Variants in ERCC8 observed in about 807,000 individuals in gnomAD.
ERCC8 encodes DNA excision repair protein ERCC-8.
A neutral mutation model predicts 54.9 loss-of-function variants in ERCC8; 52 were observed. The ratio of observed to expected loss-of-function variants is 0.95; its 90% confidence interval spans 0.76 to 1.19. The LOEUF (loss-of-function observed/expected upper bound fraction) is 1.19, where lower values mean the gene tolerates loss of function less well. Ranked by LOEUF, ERCC8 falls within the 50% of genes most tolerant of loss-of-function variation. The probability of loss-of-function intolerance (pLI) is 0.00; values close to 1 mark genes in which losing one functional copy is unlikely to be tolerated. For synonymous variants in ERCC8, 146 were observed against 157.2 expected (o/e 0.93, Z 0.53); for missense variants, 514 against 466.1 (o/e 1.10, Z -0.95).
intron 1 of ERCC8, among the ~76,000 whole-genome samples, chr5:60,938,815 TA>T (rs1217295954): frequency 6.6e-6 from 1 of 152,224 alleles, no homozygotes; most frequent in Non-Finnish European, 1.5e-5. Context: ...TAGCTTTATA[TA>T]ATGTCCTTCT....
At chr5:60,893,449 A>G (rs1006304028) in intron 9 of ERCC8, 1 of 948,138 alleles carries the variant, frequency 1.1e-6, no homozygotes, top group African/African-American at 1.6e-5. Context: ...TGGCATGATC[A>G]TTGGAGTGAA....
At chr5:60,944,710 C>T (rs1434656734) in intron 1 of ERCC8, among the ~76,000 whole-genome samples, 3 of 44,376 alleles carry the variant, frequency 6.8e-5, no homozygotes, top group South Asian at 1.1e-3. Flanking sequence ...GGGGAACCCC[C>T]CCCCCACCCC....
chr5:60,909,073 T>C (rs1749167390), intron 4 of ERCC8, among the ~76,000 whole-genome samples: 1 of 151,852 alleles, frequency 6.6e-6, no homozygotes, highest in African/African-American at 2.4e-5. Context: ...TAAAGATGGT[T>C]TGATAATTTT....
intron 4 of ERCC8, among the ~76,000 whole-genome samples, chr5:60,905,972 C>T (rs1749058613): frequency 1.3e-5 from 2 of 152,060 alleles, no homozygotes; most frequent in African/African-American, 4.8e-5. Flanking sequence ...TAAGCCACTT[C>T]TGGGTGGGGC....
At chr5:60,884,483 A>C (rs1278495234) in intron 11 of ERCC8, among the ~76,000 whole-genome samples, 1 of 150,664 alleles carries the variant, frequency 6.6e-6, no homozygotes, top group African/African-American at 2.4e-5. Flanking sequence ...CTCAAAAAAA[A>C]AAAAAAAAAA....
chr5:60,924,644 T>A (rs1390349787), intron 2 of ERCC8: 1 of 154,562 alleles, frequency 6.5e-6, no homozygotes, highest in Non-Finnish European at 1.5e-5. Flanking sequence ...TCTTTTGCCT[T>A]GGTTTCTTTT....
At chr5:60,889,249 G>A (rs1748479383) in intron 10 of ERCC8, among the ~76,000 whole-genome samples, 1 of 152,056 alleles carries the variant, frequency 6.6e-6, no homozygotes, top group Non-Finnish European at 1.5e-5. Flanking sequence ...TATTTTGTAG[G>A]GTGATATGTT....
intron 11 of ERCC8, among the ~76,000 whole-genome samples, chr5:60,881,051 G>A (rs1368576791): frequency 6.6e-6 from 1 of 152,060 alleles, no homozygotes; most frequent in Non-Finnish European, 1.5e-5. Context: ...TGGTGTGGAT[G>A]TCCTTTCTGC....
intron 1 of ERCC8, among the ~76,000 whole-genome samples, chr5:60,934,024 C>G (rs184199414): frequency 6.6e-6 from 1 of 152,062 alleles, no homozygotes; most frequent in Non-Finnish European, 1.5e-5. Context: ...TTTGCACTTG[C>G]GAATTGTGCT....
intron 11 of ERCC8, among the ~76,000 whole-genome samples, chr5:60,875,893 CTTT>C (rs10661271): frequency 1.3e-5 from 2 of 151,054 alleles, no homozygotes; most frequent in Non-Finnish European, 3.0e-5. Context: ...TTTATTTTTT[CTTT>C]TTTTTATTAT....
chr5:60,927,774 C>G (rs902101288), intron 2 of ERCC8, among the ~76,000 whole-genome samples: 2 of 152,148 alleles, frequency 1.3e-5, no homozygotes, highest in East Asian at 1.9e-4. Flanking sequence ...AGGTGTTACA[C>G]TGAGCCTGGA....
chr5:60,905,998 C>T (rs1050320043), intron 4 of ERCC8, among the ~76,000 whole-genome samples: 2 of 151,946 alleles, frequency 1.3e-5, no homozygotes, highest in African/African-American at 4.8e-5. Context: ...GGGCAGTTGG[C>T]AGGTCCAGGT....
At chr5:60,881,751 C>T (rs182727728) in intron 11 of ERCC8, among the ~76,000 whole-genome samples, 6 of 152,164 alleles carry the variant, frequency 3.9e-5, no homozygotes, top group African/African-American at 9.7e-5. Flanking sequence ...TTCCAGGTGC[C>T]GTCTGTCACC....
intron 1 of ERCC8, among the ~76,000 whole-genome samples, chr5:60,942,103 A>T (rs1422329703): frequency 6.6e-6 from 1 of 152,226 alleles, no homozygotes; most frequent in African/African-American, 2.4e-5. Context: ...AATTATACAA[A>T]AAGATATAGT....
chr5:60,933,656 A>AT (rs1749979611), intron 1 of ERCC8, among the ~76,000 whole-genome samples: 4 of 151,992 alleles, frequency 2.6e-5, no homozygotes. Context: ...GATTTCTGAG[A>AT]TTTTGGGGTA....
At chr5:60,894,206 G>A (rs1441248919) in intron 9 of ERCC8, among the ~76,000 whole-genome samples, 2 of 151,962 alleles carry the variant, frequency 1.3e-5, no homozygotes, top group African/African-American at 2.4e-5. Flanking sequence ...CGATGGTCTC[G>A]ATCTCCTGAC....
chr5:60,933,338 C>T (rs1749970070), intron 1 of ERCC8, among the ~76,000 whole-genome samples: 2 of 150,966 alleles, frequency 1.3e-5, no homozygotes, highest in East Asian at 3.9e-4. Flanking sequence ...CCTGCCTCAG[C>T]CACCTGAGTA....
At chr5:60,888,455 C>T (rs1002007322) in intron 10 of ERCC8, among the ~76,000 whole-genome samples, 5 of 152,052 alleles carry the variant, frequency 3.3e-5, no homozygotes, top group African/African-American at 9.7e-5. Flanking sequence ...CCAGGTAATG[C>T]GCAAGATAAC....
intron 11 of ERCC8, among the ~76,000 whole-genome samples, chr5:60,879,205 C>A (rs9687099): frequency 0.39 from 58,754 of 152,048 alleles, 12,359 homozygotes; most frequent in East Asian, 0.8. Flanking sequence ...ATCCTGAGTT[C>A]TAGTTTGATT....
Sources: allele counts gnomAD v4.1 joint callset (sites outside exome capture counted in the v4.1 genomes callset), GRCh38; gene constraint gnomAD v4.1.1; transcripts MANE v1.5; gene names NCBI Gene and HGNC (gene_info 2026-07-23, HGNC 2026-07-21).